Variants in SMAP1 observed in about 807,000 individuals in gnomAD.
The protein encoded by SMAP1 is small ArfGAP 1.
SMAP1 carries 24 observed loss-of-function variants against 58.5 expected under a neutral mutation model. That is an observed-to-expected ratio of 0.41 (90% CI 0.30 to 0.58). The LOEUF is 0.58. Among genes scored for constraint, SMAP1 ranks in the 20% least tolerant of loss-of-function variants. SMAP1 has a pLI of 0.29. For missense variants in SMAP1, 563 were observed against 566.3 expected, an observed-to-expected ratio of 0.99 and a Z score of 0.06; for synonymous variants, 216 against 196.6, an observed-to-expected ratio of 1.10 and a Z score of -0.82.
chr6:70,694,810 A>G (rs757311421), intron 1 of SMAP1, among the ~76,000 whole-genome samples: 5 of 152,220 alleles, frequency 3.3e-5, no homozygotes, highest in Non-Finnish European at 7.3e-5. Context: ...AAACACCTTA[A>G]TAACTTGAGG....
chr6:70,668,413 G>T (rs996858138), intron 1 of SMAP1: 8 of 1,087,566 alleles, frequency 7.4e-6, no homozygotes, highest in Non-Finnish European at 1.0e-5. Flanking sequence ...CCAGGGTAGC[G>T]ATGCTCGGAC....
chr6:70,670,902 G>A (rs1766236093), intron 1 of SMAP1, among the ~76,000 whole-genome samples: 1 of 152,220 alleles, frequency 6.6e-6, no homozygotes, highest in African/African-American at 2.4e-5. Flanking sequence ...TATTTAGGAA[G>A]CAACGAAGGA....
intron 1 of SMAP1, among the ~76,000 whole-genome samples, chr6:70,727,977 C>G (rs1765257121): frequency 6.6e-6 from 1 of 152,008 alleles, no homozygotes; most frequent in Non-Finnish European, 1.5e-5. Context: ...GTGGGAGGAT[C>G]ACTTGAGCCT....
At chr6:70,696,861 TG>T (rs1021359965) in intron 1 of SMAP1, among the ~76,000 whole-genome samples, 1 of 152,226 alleles carries the variant, frequency 6.6e-6, no homozygotes, top group Non-Finnish European at 1.5e-5. Flanking sequence ...GCTATTAACT[TG>T]GGGTATATCT....
intron 1 of SMAP1, among the ~76,000 whole-genome samples, chr6:70,730,235 A>G (rs1240305595): frequency 9.2e-5 from 14 of 152,190 alleles, no homozygotes; most frequent in Admixed American, 7.2e-4. Flanking sequence ...AATTTTTATT[A>G]GAGACCACTG....
chr6:70,798,722 A>G lies in SMAP1; in HGVS notation c.561A>G (p.Pro187=), dbSNP rs1336688208. The G allele has an allele frequency of 3.8e-6, 6 of 1,560,666 alleles. No homozygotes were observed. The highest frequency in any genetic ancestry group is 1.2e-5 in the South Asian group (1 of 80,954). The change falls in exon 6 of 11, where the codon CCA becomes CCG. Residue 187 remains proline (P), a synonymous_variant. Coordinates refer to ENST00000370455, the MANE Select transcript of SMAP1 (RefSeq NM_001044305.3). ...AGGAGCCAGAAAAGCCGGCAAAACC[A>G]CTTACAGCTGAAAAGGTAAAATTCT... The part of the protein sequence containing the change: ...REKEPEKPAK[P]LTAEKLQKKD...
intron 4 of SMAP1, among the ~76,000 whole-genome samples, chr6:70,790,090 G>T (rs992059378): frequency 6.6e-6 from 1 of 152,138 alleles, no homozygotes; most frequent in African/African-American, 2.4e-5. Flanking sequence ...GGGCAAAGAG[G>T]TCTTTATGAT....
intron 6 of SMAP1, among the ~76,000 whole-genome samples, chr6:70,814,117 T>G (rs1769508643): frequency 6.6e-6 from 1 of 152,164 alleles, no homozygotes; most frequent in Non-Finnish European, 1.5e-5. Context: ...GTTTCTAGTC[T>G]CCCTGGTTTG....
At chr6:70,750,531 G>A (rs754424324) in intron 2 of SMAP1, among the ~76,000 whole-genome samples, 4 of 152,098 alleles carry the variant, frequency 2.6e-5, no homozygotes, top group Admixed American at 6.6e-5. Flanking sequence ...AAAATGTTTT[G>A]TACTTAGGAA....
chr6:70,766,774 T>G (rs540642616), intron 3 of SMAP1, among the ~76,000 whole-genome samples: 4 of 152,258 alleles, frequency 2.6e-5, no homozygotes, highest in South Asian at 2.1e-4. Context: ...GTCAATTTTG[T>G]CTTTTGTTGC....
At chr6:70,670,554 T>C (rs1473996379) in intron 1 of SMAP1, among the ~76,000 whole-genome samples, 1 of 152,228 alleles carries the variant, frequency 6.6e-6, no homozygotes, top group Non-Finnish European at 1.5e-5. Context: ...TAGGATGACA[T>C]AATAAATATA....
At chr6:70,787,475 TGC>T (rs1377570896) in intron 4 of SMAP1, among the ~76,000 whole-genome samples, 262 of 152,090 alleles carry the variant, frequency 1.7e-3, no homozygotes, top group Non-Finnish European at 2.4e-3. Flanking sequence ...AAAGAGCTTC[TGC>T]ACAGCAAAAG....
In SMAP1 at chr6:70,861,878, C is replaced by CTGTT. The variant is rs769293420; in HGVS notation, c.*1547_*1550dup. On this transcript the variant is annotated 3_prime_UTR_variant, in exon 11 of 11. Coordinates refer to ENST00000370455, the MANE Select transcript of SMAP1 (RefSeq NM_001044305.3). ...GTTCCAGTTCTTCGACTGTTGTTAT[C>CTGTT]TGTTTGAGAAAGTCAGATTCTTGCA... 26 of 1,613,890 alleles carry CTGTT rather than the reference C, an allele frequency of 1.6e-5. No homozygotes were observed. Among genetic ancestry groups the CTGTT allele is most frequent in the Admixed American group, 1.0e-4 (6 of 59,974 alleles).
intron 4 of SMAP1, among the ~76,000 whole-genome samples, chr6:70,780,732 T>C (rs887107409): frequency 1.3e-5 from 2 of 152,240 alleles, no homozygotes; most frequent in African/African-American, 4.8e-5. Flanking sequence ...CATAATTTGC[T>C]CTTTTCCTCC....
chr6:70,849,574 A>G (rs540035603), intron 7 of SMAP1, among the ~76,000 whole-genome samples: 1 of 152,326 alleles, frequency 6.6e-6, no homozygotes, highest in Non-Finnish European at 1.5e-5. Context: ...AAATCTGGAA[A>G]CTACCTAAAT....
Position 70,790,070 on chromosome 6 carries a change from T to G in SMAP1, c.415-1619T>G, listed in dbSNP as rs547333159. On this transcript the variant is annotated intron_variant, in intron 4 of 10. Coordinates refer to ENST00000370455, the MANE Select transcript of SMAP1 (RefSeq NM_001044305.3). Reference sequence around the variant, plus strand: ...TCCTTTTATATTTTTGTTCCACTTTTCATGAGCTTGGGCAAAGAGGTCTTT... The same window carrying G: ...TCCTTTTATATTTTTGTTCCACTTTGCATGAGCTTGGGCAAAGAGGTCTTT... 3.3e-5 allele frequency among the ~76,000 whole-genome samples: 5 copies of G among 152,358 alleles called. No individual in the cohort carries two copies. In the East Asian group the frequency reaches 9.6e-4, roughly 29 times the overall value.
rs573081519 is a variant in SMAP1, at chr6:70,779,451, C to T, written c.414+6026C>T. ...AATTCTCTCTGAGATAGTTTAGTTG[C>T]GTGGACTCCAGGCAGCTCCTTATAC... is the stretch of plus-strand genomic sequence containing the variant. On this transcript the variant is annotated intron_variant, in intron 4 of 10. Transcript: ENST00000370455. Among the ~76,000 whole-genome samples the T allele has an allele frequency of 2.3e-4, 35 of 152,152 alleles. No homozygotes were observed. In the South Asian group the frequency reaches 5.8e-3, roughly 25 times the overall value.
intron 1 of SMAP1, among the ~76,000 whole-genome samples, chr6:70,702,951 T>C (rs991818172): frequency 3.3e-5 from 5 of 152,182 alleles, no homozygotes; most frequent in Admixed American, 1.3e-4. Context: ...GTCTTTCTTA[T>C]AGCTTCTTGA....
At chr6:70,826,956 AAAAAG>A (rs1770153854) in intron 6 of SMAP1, among the ~76,000 whole-genome samples, 4 of 148,104 alleles carry the variant, frequency 2.7e-5, no homozygotes, top group African/African-American at 7.5e-5. Context: ...AAAAAAAAAA[AAAAAG>A]AAAAAGAAAA....
Sources: allele counts gnomAD v4.1 joint callset (sites outside exome capture counted in the v4.1 genomes callset), GRCh38; gene constraint gnomAD v4.1.1; transcripts MANE v1.5; gene names NCBI Gene and HGNC (gene_info 2026-07-23, HGNC 2026-07-21).